The following ABCA10 variants were observed in gnomAD, a reference collection of about 807,000 sequenced individuals.
ABCA10 encodes the protein ATP binding cassette subfamily A member 10.
A neutral mutation model predicts 187.5 loss-of-function variants in ABCA10; 169 were observed. The observed-to-expected ratio is 0.90, with a 90% confidence interval of 0.80 to 1.02. ABCA10 has a LOEUF of 1.02. Ranked by LOEUF, ABCA10 falls within the 50% of genes least tolerant of loss-of-function variation. ABCA10 has a pLI of 0.00. For synonymous variants in ABCA10, 574 were observed against 601.8 expected (o/e 0.95, Z 0.68); for missense variants, 1,727 against 1,812.4 (o/e 0.95, Z 0.86).
At chr17:69,243,811 T>A (rs2074921933) in intron 1 of ABCA10, among the ~76,000 whole-genome samples, 1 of 152,162 alleles carries the variant, frequency 6.6e-6, no homozygotes, top group Non-Finnish European at 1.5e-5. Flanking sequence ...GGTGGGAGGA[T>A]CACCTGAGCC....
chr17:69,216,278 A>G lies in ABCA10; in HGVS notation c.611T>C (p.Ile204Thr), dbSNP rs147277109. The G allele has an allele frequency of 7.3e-5, 118 of 1,613,522 alleles. No homozygotes were observed. Among genetic ancestry groups the G allele is most frequent in the Non-Finnish European group, 9.3e-5 (110 of 1,179,676 alleles). Reference protein sequence around the residue: ...FMALVITSIPIVFHTGFMVIF... With the variant: ...FMALVITSIPTVFHTGFMVIF... ...CACCATGAAGCCAGTATGAAATACAATTGGGATTGATGTTATGACCAGAGC... is the reference window on the plus strand; with the variant it reads ...CACCATGAAGCCAGTATGAAATACAGTTGGGATTGATGTTATGACCAGAGC... Residue 204 changes from isoleucine to threonine, a missense_variant, in exon 7 of 39, where the codon ATT becomes ACT. Coordinates refer to ENST00000690296, the MANE Select transcript of ABCA10 (RefSeq NM_001377321.1).
chr17:69,198,080 T>A (rs1284345786), intron 10 of ABCA10, among the ~76,000 whole-genome samples: 1 of 150,834 alleles, frequency 6.6e-6, no homozygotes, highest in Non-Finnish European at 1.5e-5. Flanking sequence ...CTGAGAGGCA[T>A]CCTTAACTCT....
chr17:69,164,963 C>T lies in ABCA10; in HGVS notation c.3282+1G>A. The stretch of plus-strand genomic sequence containing the variant: ...GAGACACAGTAGGTAACACTGCTTA[C>T]CTGGATCAATAACATGACATACCCC... On this transcript the variant is annotated splice_donor_variant, in intron 26 of 38. Coordinates refer to ENST00000690296, the MANE Select transcript of ABCA10 (RefSeq NM_001377321.1). LOFTEE classifies it high-confidence loss of function. 2.5e-6 allele frequency: 4 copies of T among 1,612,768 alleles called. No individual in the cohort carries two copies. The highest frequency in any genetic ancestry group is 3.4e-6 in the Non-Finnish European group (4 of 1,179,174).
chr17:69,174,092 A>T (rs150412056), intron 25 of ABCA10, among the ~76,000 whole-genome samples, 189 bp downstream of exon 25: 1 of 152,260 alleles, frequency 6.6e-6, no homozygotes, highest in African/African-American at 2.4e-5. Context: ...ACAAATGGGA[A>T]ATAAAGGAAA....
chr17:69,199,360 A>G (rs1413197221), intron 10 of ABCA10, among the ~76,000 whole-genome samples: 1 of 152,240 alleles, frequency 6.6e-6, no homozygotes, highest in Non-Finnish European at 1.5e-5. Flanking sequence ...ATTCTAGCAG[A>G]GGGACTGATT....
At chr17:69,182,429 T>G (rs113661812) in intron 21 of ABCA10, 139 bp from the exon 22 acceptor site, 1 of 976,402 alleles carries the variant, frequency 1.0e-6, no homozygotes. Context: ...CTTCTTTGAA[T>G]TGGTACAAGA....
In ABCA10 at chr17:69,164,950, G is replaced by A. The variant is rs1471022554; in HGVS notation, c.3282+14C>T. On this transcript the variant is annotated intron_variant, in intron 26 of 38. Coordinates refer to ENST00000690296, the MANE Select transcript of ABCA10 (RefSeq NM_001377321.1). ...AAGGTCAAGACTGGAGACACAGTAG[G>A]TAACACTGCTTACCTGGATCAATAA... The A allele has an allele frequency of 2.5e-6, 4 of 1,612,136 alleles. No individual in the cohort carries two copies. Among genetic ancestry groups the A allele is most frequent in the Non-Finnish European group, 3.4e-6 (4 of 1,178,822 alleles).
intron 22 of ABCA10, chr17:69,175,768 C>A (rs1217374129): frequency 7.6e-6 from 2 of 261,508 alleles, no homozygotes; most frequent in Non-Finnish European, 1.5e-5. Flanking sequence ...GGGATATATT[C>A]CAAGACTCCA....
chr17:69,192,550 C>T lies in ABCA10; in HGVS notation c.1871+13G>A. On this transcript the variant is annotated intron_variant, in intron 16 of 38. Transcript: ENST00000690296. Reference sequence around the variant, plus strand: ...TATGCTCATTTAAAAATAACTACACCTAGAATACATACCTTAAATGATATC... The same window carrying T: ...TATGCTCATTTAAAAATAACTACACTTAGAATACATACCTTAAATGATATC... 1 of 1,596,520 alleles carries T rather than the reference C, an allele frequency of 6.3e-7. No individual in the cohort carries two copies. Among genetic ancestry groups the T allele is most frequent in the Middle Eastern group, 1.7e-4 (1 of 6,026 alleles).
intron 1 of ABCA10, among the ~76,000 whole-genome samples, chr17:69,242,684 G>A (rs1003828508): frequency 6.6e-6 from 1 of 151,984 alleles, no homozygotes; most frequent in Non-Finnish European, 1.5e-5. Flanking sequence ...GACTGGTCTC[G>A]AACTACTGAC....
In ABCA10 at chr17:69,227,114, GAT is replaced by G. The variant is rs71892045; in HGVS notation, c.-172+29_-172+30del. 9.0e-3 allele frequency: 1,231 copies of G among 137,280 alleles called. 12 individuals carry two copies. Among genetic ancestry groups the G allele is most frequent in the African/African-American group, 0.01 (395 of 38,548 alleles). 8.5% of individuals were successfully genotyped at this position (137,280 alleles called of 1,614,324 possible). A position where few individuals can be genotyped will look rare whatever the true frequency, so the allele number is the denominator to read the frequency against. On this transcript the variant is annotated intron_variant, in intron 2 of 38. Coordinates refer to ENST00000690296, the MANE Select transcript of ABCA10 (RefSeq NM_001377321.1). Reference sequence around the variant, plus strand: ...GGTGGATTTTCATTTATTAATTATGGATATATATATATATATATAGTGAATCA... The same window carrying G: ...GGTGGATTTTCATTTATTAATTATGGATATATATATATATATAGTGAATCA...
intron 1 of ABCA10, among the ~76,000 whole-genome samples, chr17:69,239,844 C>T (rs753391453): frequency 1.3e-4 from 20 of 152,126 alleles, no homozygotes; most frequent in Admixed American, 6.6e-5. Context: ...CTTCCTTGTT[C>T]GTTTGAATTT....
intron 22 of ABCA10, chr17:69,175,843 C>A: frequency 5.6e-6 from 1 of 177,948 alleles, no homozygotes; most frequent in Non-Finnish European, 1.2e-5. Flanking sequence ...AATCTGATAA[C>A]TGAAATGGCT....
At chr17:69,226,011 T>G (rs891781007) in intron 2 of ABCA10, among the ~76,000 whole-genome samples, 1 of 152,104 alleles carries the variant, frequency 6.6e-6, no homozygotes. Flanking sequence ...TTTTGTCTCA[T>G]TGGTTCCTGA....
chr17:69,199,208 A>G (rs2074526466), intron 10 of ABCA10, among the ~76,000 whole-genome samples: 1 of 152,112 alleles, frequency 6.6e-6, no homozygotes, highest in Non-Finnish European at 1.5e-5. Context: ...CCACTACACT[A>G]CACTAGGTTG....
chr17:69,150,997 G>C (rs9894644), intron 36 of ABCA10, among the ~76,000 whole-genome samples: 101,986 of 151,956 alleles, frequency 0.67, 34,872 homozygotes, highest in African/African-American at 0.76. Context: ...TATCTCTCTT[G>C]TTGGCCTCAA....
chr17:69,173,168 G>A (rs2074309942), intron 25 of ABCA10, among the ~76,000 whole-genome samples: 1 of 152,150 alleles, frequency 6.6e-6, no homozygotes, highest in African/African-American at 2.4e-5. Flanking sequence ...TAATGCCGAT[G>A]GTTAAGAAGA....
chr17:69,227,359 T>C (rs1400381510), intron 1 of ABCA10, 74 bp from the exon 2 acceptor site: 1 of 151,880 alleles, frequency 6.6e-6, no homozygotes, highest in Admixed American at 6.6e-5. Context: ...AATTTTCAGA[T>C]GTGCCAACTA....
chr17:69,160,539 G>A (rs138151110), intron 27 of ABCA10, among the ~76,000 whole-genome samples: 9 of 152,158 alleles, frequency 5.9e-5, no homozygotes, highest in East Asian at 3.9e-4. Context: ...CCCAAGAGGC[G>A]GAGGTTGCAG....
Sources: gnomAD v4.1 joint callset for allele counts (sites outside exome capture counted in the v4.1 genomes callset) on GRCh38, gnomAD v4.1.1 for gene constraint, MANE v1.5 for transcripts, NCBI Gene and HGNC (gene_info 2026-07-23, HGNC 2026-07-21) for gene names.